The following DYNC2I1 variants were observed in gnomAD, a reference collection of about 807,000 sequenced individuals.
DYNC2I1 encodes the protein cytoplasmic dynein 2 intermediate chain 1.
DYNC2I1 carries 89 observed loss-of-function variants against 133.4 expected under a neutral mutation model. That is an observed-to-expected ratio of 0.67 (90% CI 0.56 to 0.80). The LOEUF is 0.80. Ranked by LOEUF, DYNC2I1 falls within the 30% of genes least tolerant of loss-of-function variation. The pLI is 0.00. For synonymous variants in DYNC2I1, 504 were observed against 484.3 expected (o/e 1.04, Z -0.54); for missense variants, 1,291 against 1,314.5 (o/e 0.98, Z 0.28).
At chr7:158,922,306 CG>C (rs1222955116) in intron 15 of DYNC2I1, 70 bp from the exon 16 acceptor site, 116 of 1,480,136 alleles carry the variant, frequency 7.8e-5, no homozygotes, top group Non-Finnish European at 1.0e-4. Flanking sequence ...TTTGAGTATT[CG>C]GAAGTGTGTT....
In DYNC2I1 at chr7:158,879,945, A is replaced by C; in HGVS notation, c.835A>C (p.Lys279Gln). The stretch of plus-strand genomic sequence containing the variant: ...GAGGCACCAAAGCAACGTGGATAGA[A>C]AAGAGAAATCGGCAAAAGATGAGCC... ...DERHQSNVDR[K>Q]EKSAKDEPRK... The change falls in exon 5 of 25, where the codon AAA (lysine) becomes CAA (glutamine). Residue 279 changes from lysine (K) to glutamine (Q), a missense_variant. By Grantham distance (53) the Lys-to-Gln change is moderately conservative. Coordinates refer to ENST00000407559, the MANE Select transcript of DYNC2I1 (RefSeq NM_018051.5). The C allele has an allele frequency of 6.2e-7, 1 of 1,604,498 alleles. No homozygotes were observed. The highest frequency in any genetic ancestry group is 8.5e-7 in the Non-Finnish European group (1 of 1,177,600).
At chr7:158,957,566 C>T (rs1453192367), downstream of DYNC2I1, among the ~76,000 whole-genome samples, 3 of 152,200 alleles carry the variant, frequency 2.0e-5, no homozygotes, top group East Asian at 1.9e-4. Context: ...ATCCTTCCCA[C>T]GTGCCACGGG....
chr7:158,907,582 C>T (rs545460918), intron 11 of DYNC2I1, among the ~76,000 whole-genome samples: 14 of 151,412 alleles, frequency 9.2e-5, no homozygotes, highest in African/African-American at 2.9e-4. Context: ...TTTCCCTTTC[C>T]GTTCCCTTTC....
At chr7:158,863,057 A>T (rs1289166343) in intron 1 of DYNC2I1, among the ~76,000 whole-genome samples, 1 of 143,958 alleles carries the variant, frequency 6.9e-6, no homozygotes, top group Admixed American at 7.1e-5. Context: ...TATTGTGAAG[A>T]ACAAAGCACA....
intron 14 of DYNC2I1, among the ~76,000 whole-genome samples, chr7:158,918,375 C>G (rs868649389): frequency 6.6e-6 from 1 of 152,202 alleles, no homozygotes; most frequent in Non-Finnish European, 1.5e-5. Context: ...CTCACTCTGG[C>G]TTTTTACCAA....
At chr7:158,857,570 A>G (rs1183342220) in intron 1 of DYNC2I1, among the ~76,000 whole-genome samples, 1 of 123,330 alleles carries the variant, frequency 8.1e-6, no homozygotes, top group Non-Finnish European at 1.6e-5. Flanking sequence ...ATGGAGTCTC[A>G]CTCTGTCACC....
chr7:158,883,156 C>T (rs907027550), intron 5 of DYNC2I1, among the ~76,000 whole-genome samples: 37 of 151,676 alleles, frequency 2.4e-4, no homozygotes, highest in African/African-American at 8.0e-4. Flanking sequence ...TGGGACTGTT[C>T]CCGGGGATGG....
intron 8 of DYNC2I1, among the ~76,000 whole-genome samples, chr7:158,893,808 G>A (rs13310245): frequency 2.2e-4 from 32 of 145,852 alleles, no homozygotes; most frequent in South Asian, 6.7e-4. Context: ...ATGTCACACC[G>A]CATATCATAC....
intron 21 of DYNC2I1, among the ~76,000 whole-genome samples, chr7:158,933,609 T>C (rs1850444547): frequency 6.6e-6 from 1 of 152,232 alleles, no homozygotes; most frequent in Admixed American, 6.5e-5. Flanking sequence ...CAAGCTGAGA[T>C]GTTAGCATCA....
chr7:158,878,361 G>A (rs1400866285), intron 4 of DYNC2I1, among the ~76,000 whole-genome samples: 1 of 145,902 alleles, frequency 6.9e-6, no homozygotes, highest in Non-Finnish European at 1.5e-5. Flanking sequence ...GAGGCGAGGA[G>A]GGGAGGCCAG....
chr7:158,911,666 A>T lies in DYNC2I1; in HGVS notation c.1577A>T (p.Lys526Ile). 1.9e-6 allele frequency: 3 copies of T among 1,610,424 alleles called. No individual in the cohort carries two copies. In the South Asian group the frequency reaches 3.3e-5, roughly 18 times the overall value. The change falls in exon 12 of 25, where the codon AAA (lysine) becomes ATA (isoleucine). Residue 526 changes from lysine (K) to isoleucine (I), a missense_variant. By Grantham distance (102) the Lys-to-Ile change is moderately radical. Coordinates refer to ENST00000407559, the MANE Select transcript of DYNC2I1 (RefSeq NM_018051.5). ...ATGTATATCAGAAACTTTGGGAAAA[A>T]AAATACCAAGCAGGTAAGTATGAGA... The part of the protein sequence containing the change: ...YDMYIRNFGK[K>I]NTKQAYVQCN...
chr7:158,937,356 G>T (rs1381567411), intron 23 of DYNC2I1, among the ~76,000 whole-genome samples: 1 of 152,236 alleles, frequency 6.6e-6, no homozygotes, highest in Admixed American at 6.5e-5. Flanking sequence ...GCTGGGCGCG[G>T]TGGCTCACGC....
chr7:158,867,109 T>G (rs1350048849), intron 1 of DYNC2I1, among the ~76,000 whole-genome samples: 1 of 151,402 alleles, frequency 6.6e-6, no homozygotes, highest in Non-Finnish European at 1.5e-5. Flanking sequence ...AATTGAATAA[T>G]TATGGTATAT....
rs374835240 is a variant in DYNC2I1 at position 158,922,358 on chromosome 7, A to G, written c.1922-19A>G. On this transcript the variant is annotated intron_variant, in intron 15 of 24. Transcript: ENST00000407559. ...TCTGGCAGGTCGTTGAAATGTGAAC[A>G]TATTTTTCTTCTCCCTAGATCGAAA... 371 of 1,606,132 alleles carry G rather than the reference A, an allele frequency of 2.3e-4. 1 individual carries two copies. Among genetic ancestry groups the G allele is most frequent in the Non-Finnish European group, 3.0e-4 (357 of 1,175,768 alleles).
At chr7:158,908,792 C>T (rs1847095421) in intron 11 of DYNC2I1, among the ~76,000 whole-genome samples, 1 of 152,118 alleles carries the variant, frequency 6.6e-6, no homozygotes, top group Non-Finnish European at 1.5e-5. Context: ...GCTGGGGCCA[C>T]AGGAAATACC....
intron 6 of DYNC2I1, 44 bp from the exon 7 acceptor site, chr7:158,886,977 C>G: frequency 1.3e-6 from 2 of 1,556,576 alleles, no homozygotes; most frequent in South Asian, 2.2e-5. Flanking sequence ...TTTAAAAGCT[C>G]TCATTTAAAG....
intron 23 of DYNC2I1, among the ~76,000 whole-genome samples, chr7:158,941,113 A>T (rs958169022): frequency 6.6e-6 from 1 of 152,150 alleles, no homozygotes; most frequent in Middle Eastern, 3.2e-3. Flanking sequence ...AGACCCAAAT[A>T]AAATAAAATC....
intron 11 of DYNC2I1, among the ~76,000 whole-genome samples, chr7:158,910,520 G>A (rs1193826768): frequency 6.6e-6 from 1 of 151,546 alleles, no homozygotes; most frequent in Non-Finnish European, 1.5e-5. Flanking sequence ...GCCATTGGCT[G>A]TGTCAGGCTT....
the DYNC2I1 span, among the ~76,000 whole-genome samples, chr7:158,847,656 ATTG>A: frequency 2.0e-5 from 3 of 152,208 alleles, no homozygotes; most frequent in Non-Finnish European, 1.5e-5. Context: ...TCCCTTGGTT[ATTG>A]TTTTCTGTAA....
Sources: gnomAD v4.1 joint callset for allele counts (sites outside exome capture counted in the v4.1 genomes callset) on GRCh38, gnomAD v4.1.1 for gene constraint, MANE v1.5 for transcripts, NCBI Gene and HGNC (gene_info 2026-07-23, HGNC 2026-07-21) for gene names.